CCSER1: variants seen among roughly 807,000 people sequenced by gnomAD.
The protein encoded by CCSER1 is serine-rich coiled-coil domain-containing protein 1.
In CCSER1, 41 loss-of-function variants were observed where a neutral mutation model predicts 82.0. The ratio of observed to expected loss-of-function variants is 0.50; its 90% CI spans 0.39 to 0.65. The LOEUF is 0.65. CCSER1 is among the 30% of genes least tolerant of loss of function. The pLI is 0.00. For missense variants in CCSER1, 1,119 were observed against 1,064.2 expected, an observed-to-expected ratio of 1.05 and a Z score of -0.72; for synonymous variants, 414 against 383.9, an observed-to-expected ratio of 1.08 and a Z score of -0.92.
At chr4:91,150,983 C>T (rs907692310) in intron 10 of CCSER1, among the ~76,000 whole-genome samples, 1 of 151,968 alleles carries the variant, frequency 6.6e-6, no homozygotes, top group Non-Finnish European at 1.5e-5. Context: ...TGCTGGCCTC[C>T]CAAAATGAGT....
At chr4:91,482,988 A>C (rs1354701914) in intron 10 of CCSER1, among the ~76,000 whole-genome samples, 1 of 152,106 alleles carries the variant, frequency 6.6e-6, no homozygotes, top group East Asian at 1.9e-4. Flanking sequence ...AGATATACCT[A>C]ATGTAAATGA....
At chr4:91,470,995 A>C (rs112065169) in intron 10 of CCSER1, among the ~76,000 whole-genome samples, 1,556 of 152,238 alleles carry the variant, frequency 0.01, 11 homozygotes, top group Middle Eastern at 0.02. Context: ...TTTCAAATTA[A>C]CTTCATGGAC....
intron 1 of CCSER1, among the ~76,000 whole-genome samples, chr4:90,252,699 G>T (rs539408479): frequency 6.6e-6 from 1 of 151,580 alleles, no homozygotes; most frequent in African/African-American, 2.4e-5. Context: ...TGCCCCTGTT[G>T]TGTTATCAAA....
intron 4 of CCSER1, among the ~76,000 whole-genome samples, chr4:90,426,838 T>C (rs1303437823): frequency 6.6e-6 from 1 of 152,142 alleles, no homozygotes; most frequent in Admixed American, 6.5e-5. Context: ...GCTGGCAATA[T>C]GCTTTTCTAA....
At chr4:90,235,293 C>T (rs1307002693) in intron 1 of CCSER1, 1 of 152,220 alleles carries the variant, frequency 6.6e-6, no homozygotes, top group Non-Finnish European at 1.5e-5. Flanking sequence ...GATCCTTTGC[C>T]TTAGGACTCA....
intron 6 of CCSER1, among the ~76,000 whole-genome samples, chr4:90,655,087 C>T (rs1304438260): frequency 6.6e-6 from 1 of 151,808 alleles, no homozygotes; most frequent in Non-Finnish European, 1.5e-5. Context: ...ATTAATATCA[C>T]TATATTAAAA....
chr4:91,028,461 A>G (rs1247454853), intron 9 of CCSER1, among the ~76,000 whole-genome samples: 1 of 151,952 alleles, frequency 6.6e-6, no homozygotes. Flanking sequence ...CTCAAAGGAC[A>G]CATCTTACTG....
At chr4:91,342,404 G>C (rs1747780428) in intron 10 of CCSER1, among the ~76,000 whole-genome samples, 1 of 152,100 alleles carries the variant, frequency 6.6e-6, no homozygotes, top group African/African-American at 2.4e-5. Context: ...ACTTTGGTTT[G>C]TATGTAAAGA....
chr4:90,806,493 T>G (rs1406512047), intron 7 of CCSER1, among the ~76,000 whole-genome samples: 1 of 152,180 alleles, frequency 6.6e-6, no homozygotes, highest in African/African-American at 2.4e-5. Context: ...TGTTAATTGT[T>G]CAACAAAAAC....
At chr4:90,632,448 T>TTATA (rs1403734162) in intron 6 of CCSER1, among the ~76,000 whole-genome samples, 2 of 151,868 alleles carry the variant, frequency 1.3e-5, no homozygotes, top group Non-Finnish European at 2.9e-5. Flanking sequence ...GGTTTGGGGA[T>TTATA]TATATATGTT....
intron 6 of CCSER1, among the ~76,000 whole-genome samples, chr4:90,664,091 G>A (rs981714029): frequency 6.6e-6 from 1 of 151,996 alleles, no homozygotes; most frequent in Non-Finnish European, 1.5e-5. Flanking sequence ...TAACTGTTTT[G>A]GCACATTCAT....
intron 10 of CCSER1, among the ~76,000 whole-genome samples, chr4:91,485,699 T>C (rs1392040713): frequency 1.3e-5 from 2 of 152,162 alleles, no homozygotes; most frequent in African/African-American, 4.8e-5. Context: ...TAGTTACTAA[T>C]GCACTTGGAC....
At chr4:90,750,737 A>C (rs556379022) in intron 7 of CCSER1, among the ~76,000 whole-genome samples, 38 of 152,324 alleles carry the variant, frequency 2.5e-4, no homozygotes, top group African/African-American at 8.4e-4. Context: ...ATCATAAAAC[A>C]TAGTAAACAG....
chr4:90,805,044 C>T (rs1253190377), intron 7 of CCSER1, among the ~76,000 whole-genome samples: 2 of 151,318 alleles, frequency 1.3e-5, no homozygotes, highest in African/African-American at 4.9e-5. Context: ...TGCATTTTTA[C>T]ACAACTATAA....
intron 6 of CCSER1, among the ~76,000 whole-genome samples, chr4:90,640,381 A>C (rs1726268135): frequency 6.6e-6 from 1 of 152,176 alleles, no homozygotes; most frequent in Non-Finnish European, 1.5e-5. Context: ...TAGTTTTGGA[A>C]GGAAACTATA....
At chr4:90,840,207 A>T (rs1323952988) in intron 8 of CCSER1, among the ~76,000 whole-genome samples, 1 of 152,152 alleles carries the variant, frequency 6.6e-6, no homozygotes, top group Non-Finnish European at 1.5e-5. Flanking sequence ...AAAATTTTAA[A>T]TAGTTCTACC....
intron 6 of CCSER1, among the ~76,000 whole-genome samples, chr4:90,653,865 G>T (rs1729222484): frequency 6.6e-6 from 1 of 152,150 alleles, no homozygotes; most frequent in Admixed American, 6.6e-5. Flanking sequence ...ATGAAGAAAA[G>T]ATATTTAATT....
At chr4:91,505,974 A>G (rs11931788) in intron 10 of CCSER1, among the ~76,000 whole-genome samples, 5,347 of 152,124 alleles carry the variant, frequency 0.035, 306 homozygotes, top group African/African-American at 0.12. Context: ...TTTTGTTGCA[A>G]TTGCTTTTGA....
At chr4:91,168,397 T>C (rs28656070) in intron 10 of CCSER1, among the ~76,000 whole-genome samples, 103,609 of 138,494 alleles carry the variant, frequency 0.75, 37,833 homozygotes, top group Non-Finnish European at 0.79. Context: ...TGCCTCTGCC[T>C]GGCCGCCCCG....
Sources: allele counts gnomAD v4.1 joint callset (sites outside exome capture counted in the v4.1 genomes callset), GRCh38; gene constraint gnomAD v4.1.1; transcripts MANE v1.5; gene names NCBI Gene and HGNC (gene_info 2026-07-23, HGNC 2026-07-21).